CNTNAP2: variants seen among roughly 807,000 people sequenced by gnomAD.
CNTNAP2 encodes contactin associated protein 2.
In CNTNAP2, 98 loss-of-function variants were observed where a neutral mutation model predicts 155.2. The ratio of observed to expected loss-of-function variants is 0.63; its 90% CI spans 0.54 to 0.75. The LOEUF is 0.75. Among genes scored for constraint, CNTNAP2 ranks in the 30% least tolerant of loss-of-function variants. CNTNAP2 has a pLI of 0.00. For missense variants in CNTNAP2, 1,727 were observed against 1,688.1 expected (o/e 1.02, Z -0.40); for synonymous variants, 651 against 631.2 (o/e 1.03, Z -0.47).
chr7:147,325,812 A>T (rs1795444340), intron 9 of CNTNAP2, among the ~76,000 whole-genome samples: 1 of 152,222 alleles, frequency 6.6e-6, no homozygotes, highest in South Asian at 2.1e-4. Flanking sequence ...TATGACCATC[A>T]TCACTATTGG....
Position 148,217,345 on chromosome 7 carries a change from C to T in CNTNAP2, c.3068C>T (p.Ala1023Val), listed in dbSNP as rs750394099. The T allele has an allele frequency of 1.2e-6, 2 of 1,614,124 alleles. No individual in the cohort carries two copies. Among genetic ancestry groups the T allele is most frequent in the Non-Finnish European group, 1.7e-6 (2 of 1,180,002 alleles). The change falls in exon 19 of 24, where the codon GCA (alanine) becomes GTA (valine). Residue 1023 changes from alanine (A) to valine (V), a missense_variant. By Grantham distance (64) the Ala-to-Val change is moderately conservative (BLOSUM62 0). Transcript: ENST00000361727. ...MWLRYNFQAP[A>V]TNARDSSSRV... ...CTACGATATAACTTTCAGGCACCAGCAACAAATGCCAGAGACTCCAGCAGC... is the reference window on the plus strand; with the variant it reads ...CTACGATATAACTTTCAGGCACCAGTAACAAATGCCAGAGACTCCAGCAGC...
chr7:146,517,974 C>A (rs1446697760), intron 1 of CNTNAP2, among the ~76,000 whole-genome samples: 1 of 151,826 alleles, frequency 6.6e-6, no homozygotes, highest in Non-Finnish European at 1.5e-5. Context: ...TATTAAGATT[C>A]CTGCTTCCCA....
chr7:147,260,915 G>A (rs1251185017), intron 8 of CNTNAP2, among the ~76,000 whole-genome samples: 2 of 152,168 alleles, frequency 1.3e-5, no homozygotes, highest in Non-Finnish European at 2.9e-5. Context: ...CAGAACAACT[G>A]AATTAGAAGC....
At chr7:148,181,161 C>G (rs1167463341) in intron 18 of CNTNAP2, among the ~76,000 whole-genome samples, 2 of 152,166 alleles carry the variant, frequency 1.3e-5, no homozygotes, top group South Asian at 4.1e-4. Context: ...AGCCACACCA[C>G]TGGTACCCCA....
At chr7:146,847,461 T>C (rs747921694) in intron 3 of CNTNAP2, among the ~76,000 whole-genome samples, 13 of 152,192 alleles carry the variant, frequency 8.5e-5, no homozygotes, top group Non-Finnish European at 1.9e-4. Flanking sequence ...TCTAGTCACT[T>C]ACCTGAATAG....
At chr7:146,167,086 G>T (rs531388252) in intron 1 of CNTNAP2, among the ~76,000 whole-genome samples, 1 of 152,138 alleles carries the variant, frequency 6.6e-6, no homozygotes, top group Non-Finnish European at 1.5e-5. Context: ...CATAGCAGTT[G>T]CTCTGTAAAC....
Position 147,906,329 on chromosome 7 carries a change from C to A in CNTNAP2, c.2255+2608C>A, listed in dbSNP as rs538079292. Among the ~76,000 whole-genome samples, 20 of 152,114 alleles carry A rather than the reference C, an allele frequency of 1.3e-4. No homozygotes were observed. The East Asian group carries it at 3.9e-3, about 29-fold the overall frequency. The stretch of plus-strand genomic sequence containing the variant: ...GCCTCTGCTGGCACCTGCCACCATG[C>A]CCAGCTAATTTTTGTATTTTTAGTA... On this transcript the variant is annotated intron_variant, in intron 14 of 23. Coordinates refer to ENST00000361727, the MANE Select transcript of CNTNAP2 (RefSeq NM_014141.6).
intron 14 of CNTNAP2, among the ~76,000 whole-genome samples, chr7:147,925,934 G>A (rs1441004166): frequency 1.3e-5 from 2 of 152,120 alleles, no homozygotes; most frequent in East Asian, 3.8e-4. Flanking sequence ...ACTTTGTCCA[G>A]AATGTCCTAT....
rs560881191 is a variant in CNTNAP2, at chr7:146,244,941, G to A, written c.97+127968G>A. ...GCAAATCCTCGAGCTTGATGTGTAG[G>A]GAAGGGAGGGGGCCTGAATAATCCC... On this transcript the variant is annotated intron_variant, in intron 1 of 23. Coordinates refer to ENST00000361727, the MANE Select transcript of CNTNAP2 (RefSeq NM_014141.6). Among the ~76,000 whole-genome samples the A allele has an allele frequency of 1.9e-3, 290 of 151,964 alleles. 4 individuals are homozygous for A. The highest frequency in any genetic ancestry group is 0.016 in the South Asian group (77 of 4,816).
At chr7:148,189,313 G>A (rs1275431435) in intron 18 of CNTNAP2, among the ~76,000 whole-genome samples, 1 of 152,274 alleles carries the variant, frequency 6.6e-6, no homozygotes, top group Non-Finnish European at 1.5e-5. Flanking sequence ...AAGAGGACAG[G>A]AGAGGACAGC....
intron 1 of CNTNAP2, among the ~76,000 whole-genome samples, chr7:146,744,777 G>A (rs1411484932): frequency 2.0e-5 from 3 of 152,056 alleles, no homozygotes; most frequent in Non-Finnish European, 2.9e-5. Flanking sequence ...AATAGAACTG[G>A]ATTTGATATC....
In CNTNAP2 at chr7:148,409,788, ACGCC is replaced by A. The variant is rs1418580795; in HGVS notation, c.3796+318_3796+321del. ...AAAAATTAGCTGGGCGCGGTGGCTC[ACGCC>A]TGTAATCCCAGCACTTTGGGAGGCC... On this transcript the variant is annotated intron_variant, in intron 23 of 23. Transcript: ENST00000361727. Among the ~76,000 whole-genome samples the A allele has an allele frequency of 7.3e-4, 92 of 125,538 alleles. 35 individuals are homozygous for A. The highest frequency in any genetic ancestry group is 9.5e-4 in the Non-Finnish European group (56 of 58,818). 82.4% of individuals were successfully genotyped at this position (125,538 alleles called of 152,430 possible).
At chr7:147,100,706 T>C (rs1038545532) in intron 4 of CNTNAP2, among the ~76,000 whole-genome samples, 1 of 152,196 alleles carries the variant, frequency 6.6e-6, no homozygotes, top group African/African-American at 2.4e-5. Context: ...AACTGCACGG[T>C]CACAGGCATA....
intron 23 of CNTNAP2, among the ~76,000 whole-genome samples, chr7:148,414,103 C>T (rs1224805689): frequency 2.2e-3 from 6 of 2,734 alleles, no homozygotes; most frequent in South Asian, 0.083. Context: ...ACAGAGTCCC[C>T]CCCCCCCCCC....
At chr7:148,343,659 C>T (rs1798272826) in intron 21 of CNTNAP2, among the ~76,000 whole-genome samples, 1 of 152,110 alleles carries the variant, frequency 6.6e-6, no homozygotes, top group Admixed American at 6.5e-5. Flanking sequence ...AAAACAGAGA[C>T]AAGAAAATGT....
chr7:147,485,703 G>A (rs1301822478), intron 10 of CNTNAP2, among the ~76,000 whole-genome samples: 1 of 152,164 alleles, frequency 6.6e-6, no homozygotes, highest in Non-Finnish European at 1.5e-5. Flanking sequence ...GTTTGTTAGT[G>A]TCTACTGTTT....
chr7:147,288,497 G>C (rs2116741214), intron 8 of CNTNAP2, among the ~76,000 whole-genome samples: 1 of 152,306 alleles, frequency 6.6e-6, no homozygotes, highest in South Asian at 2.1e-4. Flanking sequence ...GAGAACAGCT[G>C]AAAAGTTAAG....
intron 21 of CNTNAP2, among the ~76,000 whole-genome samples, chr7:148,338,824 C>T (rs964329950): frequency 6.6e-6 from 1 of 151,402 alleles, no homozygotes; most frequent in Non-Finnish European, 1.5e-5. Context: ...GAGAAGAAGA[C>T]GGAGAAGGAG....
At chr7:146,866,207 T>C (rs1020670038) in intron 3 of CNTNAP2, among the ~76,000 whole-genome samples, 1 of 152,264 alleles carries the variant, frequency 6.6e-6, no homozygotes, top group South Asian at 2.1e-4. Flanking sequence ...AAAGTACATA[T>C]ACACATGCAC....
Sources: allele counts gnomAD v4.1 joint callset (sites outside exome capture counted in the v4.1 genomes callset), GRCh38; gene constraint gnomAD v4.1.1; transcripts MANE v1.5; gene names NCBI Gene and HGNC (gene_info 2026-07-23, HGNC 2026-07-21).